SMYD3: variants seen among roughly 807,000 people sequenced by gnomAD.
SMYD3 encodes SET and MYND domain containing 3, also known as histone-lysine N-methyltransferase SMYD3.
Under a neutral mutation model 57.7 loss-of-function variants are expected in SMYD3, and 36 were observed. The ratio of observed to expected loss-of-function variants is 0.62; its 90% confidence interval spans 0.48 to 0.82. SMYD3 has a LOEUF of 0.82. Among genes scored for constraint, SMYD3 ranks in the 40% least tolerant of loss-of-function variants. The pLI, the probability that SMYD3 is intolerant of heterozygous loss-of-function variation, is 0.00. For synonymous variants in SMYD3, 211 were observed against 195.0 expected (o/e 1.08, Z -0.68); for missense variants, 515 against 538.8 (o/e 0.96, Z 0.44).
intron 5 of SMYD3, among the ~76,000 whole-genome samples, chr1:246,214,881 T>C (rs996815648): frequency 1.3e-5 from 2 of 152,222 alleles, no homozygotes; most frequent in African/African-American, 4.8e-5. Flanking sequence ...CATGTTTATG[T>C]TAGCAGTACT....
At chr1:246,188,607 T>C in intron 5 of SMYD3, among the ~76,000 whole-genome samples, 1 of 149,644 alleles carries the variant, frequency 6.7e-6, no homozygotes, top group East Asian at 1.9e-4. Flanking sequence ...TGGTTGACAT[T>C]TTTTTTTTTA....
rs538053224 is a variant in SMYD3 at position 246,467,669 on chromosome 1, G to C, written c.164+39385C>G. Among the ~76,000 whole-genome samples, 14 of 152,200 alleles carry C rather than the reference G, an allele frequency of 9.2e-5. 1 individual carries two copies. The South Asian group carries it at 2.9e-3, about 32-fold the overall frequency. On this transcript the variant is annotated intron_variant, in intron 1 of 11. Transcript: ENST00000490107. ...CCCAGGACCTGACAGCTTCACTGCT[G>C]AACTCTAAAAAGCAATTAAAGAACT... is the stretch of plus-strand genomic sequence containing the variant.
Position 245,949,021 on chromosome 1 carries a change from A to G in SMYD3, c.532-19084T>C, listed in dbSNP as rs140991861. On this transcript the variant is annotated intron_variant, in intron 5 of 11. Transcript: ENST00000490107. ...GCCGCTACCAGCACATCTAGCATCCATTGCATGTGCCAACTGCAGGCCTAA... is the reference window on the plus strand; with the variant it reads ...GCCGCTACCAGCACATCTAGCATCCGTTGCATGTGCCAACTGCAGGCCTAA... Among the ~76,000 whole-genome samples, 609 of 152,262 alleles carry G rather than the reference A, an allele frequency of 4.0e-3. 4 individuals carry two copies. The highest frequency in any genetic ancestry group is 0.014 in the African/African-American group (582 of 41,546).
At chr1:246,079,640 T>C (rs1455586958) in intron 5 of SMYD3, among the ~76,000 whole-genome samples, 1 of 152,182 alleles carries the variant, frequency 6.6e-6, no homozygotes, top group African/African-American at 2.4e-5. Flanking sequence ...TCAAGGCACA[T>C]ATGAAGTGCT....
At chr1:246,397,727 G>A (rs758805870) in intron 1 of SMYD3, among the ~76,000 whole-genome samples, 2 of 152,038 alleles carry the variant, frequency 1.3e-5, no homozygotes, top group Admixed American at 1.3e-4. Context: ...AAGAACAGGA[G>A]TTTATTACTC....
chr1:246,066,904 C>A (rs1050760789), intron 5 of SMYD3, among the ~76,000 whole-genome samples: 2 of 152,184 alleles, frequency 1.3e-5, no homozygotes, highest in African/African-American at 4.8e-5. Context: ...ATATTTAAGG[C>A]TTACTATCTG....
chr1:245,976,971 G>A (rs1463416092), intron 5 of SMYD3, among the ~76,000 whole-genome samples: 1 of 39,070 alleles, frequency 2.6e-5, no homozygotes. Flanking sequence ...GAAAGCCATC[G>A]TCTCCGGCCC....
intron 5 of SMYD3, among the ~76,000 whole-genome samples, chr1:246,249,250 C>T (rs1164967094): frequency 6.6e-6 from 1 of 151,894 alleles, no homozygotes; most frequent in Non-Finnish European, 1.5e-5. Context: ...AGTACAGGCG[C>T]CTGCCACCAC....
chr1:245,800,809 C>A (rs766219658), intron 10 of SMYD3, among the ~76,000 whole-genome samples: 1 of 152,170 alleles, frequency 6.6e-6, no homozygotes, highest in Admixed American at 6.5e-5. Flanking sequence ...GGGAAGGATT[C>A]GGGCTGGCTG....
chr1:245,965,492 T>C (rs182138931), intron 5 of SMYD3, among the ~76,000 whole-genome samples: 3 of 152,338 alleles, frequency 2.0e-5, no homozygotes, highest in Admixed American at 6.5e-5. Flanking sequence ...GCAACCAAGA[T>C]GTCCTTCAGT....
At chr1:246,050,290 T>G (rs769116236) in intron 5 of SMYD3, among the ~76,000 whole-genome samples, 7 of 152,208 alleles carry the variant, frequency 4.6e-5, no homozygotes, top group African/African-American at 1.2e-4. Context: ...TTCACAGAGA[T>G]AATGTTACCC....
At chr1:246,133,496 T>C (rs992443875) in intron 5 of SMYD3, among the ~76,000 whole-genome samples, 1 of 152,134 alleles carries the variant, frequency 6.6e-6, no homozygotes, top group African/African-American at 2.4e-5. Context: ...TAGTATCTCA[T>C]TGTTCCTTCA....
chr1:246,204,358 T>C (rs2062965055), intron 5 of SMYD3, among the ~76,000 whole-genome samples: 1 of 152,196 alleles, frequency 6.6e-6, no homozygotes, highest in Non-Finnish European at 1.5e-5. Flanking sequence ...GAAGCCCCCA[T>C]ATCTTACCTG....
chr1:246,200,419 G>A (rs375561359), intron 5 of SMYD3, among the ~76,000 whole-genome samples: 3 of 147,364 alleles, frequency 2.0e-5, no homozygotes, highest in African/African-American at 7.6e-5. Context: ...GTAAACAGAC[G>A]CCCACTGTGA....
chr1:246,420,215 T>G (rs1321369810), intron 1 of SMYD3, among the ~76,000 whole-genome samples: 1 of 148,422 alleles, frequency 6.7e-6, no homozygotes, highest in Non-Finnish European at 1.5e-5. Flanking sequence ...AAAAAAAGTC[T>G]GTCATGACTT....
At chr1:246,073,984 C>T (rs1458892592) in intron 5 of SMYD3, among the ~76,000 whole-genome samples, 2 of 152,164 alleles carry the variant, frequency 1.3e-5, no homozygotes, top group Non-Finnish European at 2.9e-5. Flanking sequence ...CAAGCTTGTC[C>T]AACCTGTGGC....
chr1:245,943,727 T>C (rs1475498138), intron 5 of SMYD3, among the ~76,000 whole-genome samples: 6 of 152,058 alleles, frequency 3.9e-5, no homozygotes, highest in African/African-American at 1.4e-4. Context: ...AGTGTGAAAA[T>C]CCTCAATAAA....
At chr1:245,817,145 C>A (rs1166700568) in intron 10 of SMYD3, among the ~76,000 whole-genome samples, 2 of 150,740 alleles carry the variant, frequency 1.3e-5, no homozygotes, top group African/African-American at 4.9e-5. Flanking sequence ...TTAAGTGTCC[C>A]TGTCTGACAG....
chr1:246,462,043 G>C (rs868404527), intron 1 of SMYD3, among the ~76,000 whole-genome samples: 2 of 152,178 alleles, frequency 1.3e-5, no homozygotes, highest in African/African-American at 4.8e-5. Context: ...GGCAAGGAAG[G>C]CTTCCACAAA....
Sources: allele counts gnomAD v4.1 joint callset (sites outside exome capture counted in the v4.1 genomes callset), GRCh38; gene constraint gnomAD v4.1.1; transcripts MANE v1.5; gene names NCBI Gene and HGNC (gene_info 2026-07-23, HGNC 2026-07-21).